The following E2F3 variants were observed in gnomAD, a reference collection of about 807,000 sequenced individuals.
The protein encoded by E2F3 is E2F transcription factor 3, also known as transcription factor E2F3.
Under a neutral mutation model 44.4 loss-of-function variants are expected in E2F3, and 11 were observed. That is an observed-to-expected ratio of 0.25 (90% CI 0.16 to 0.41). The LOEUF (loss-of-function observed/expected upper bound fraction) is 0.41, where lower values mean the gene tolerates loss of function less well. E2F3 is among the 10% of genes least tolerant of loss of function. The pLI, the probability that E2F3 is intolerant of heterozygous loss-of-function variation, is 1.00. For missense variants in E2F3, 487 were observed against 583.6 expected, an observed-to-expected ratio of 0.83 and a Z score of 1.70; for synonymous variants, 249 against 253.0, an observed-to-expected ratio of 0.98 and a Z score of 0.15.
chr6:20,426,624 C>CA (rs1372210853), intron 1 of E2F3, among the ~76,000 whole-genome samples: 1 of 152,244 alleles, frequency 6.6e-6, no homozygotes, highest in Non-Finnish European at 1.5e-5. Context: ...CGTGGCCACA[C>CA]ATGGGCCTTC....
rs749613821 is a variant in E2F3 at position 20,402,469 on chromosome 6, A to T, written c.237A>T (p.Val79=). Residue 79 remains valine, a synonymous_variant, in exon 1 of 7, where the codon GTA becomes GTT. Transcript: ENST00000346618. The surrounding 1 kb of genome is among the most constrained non-coding windows in gnomAD (Gnocchi z 5.6). ...SCSSSLQSGA[V]AAGPLLPSAP... ...CCTCCTCCCTCCAAAGCGGCGCCGT[A>T]GCCGCCGGCCCCCTCCTCCCCAGTG... 10 of 1,609,144 alleles carry T rather than the reference A, an allele frequency of 6.2e-6. No homozygotes were observed. The South Asian group carries it at 9.9e-5, about 16-fold the overall frequency.
intron 1 of E2F3, among the ~76,000 whole-genome samples, chr6:20,441,669 G>A (rs945977365): frequency 1.3e-4 from 19 of 151,844 alleles, no homozygotes; most frequent in South Asian, 2.1e-4. Flanking sequence ...CCACCTCCTG[G>A]GTTCAAGCGA....
chr6:20,483,225 G>A (rs1454266348), intron 4 of E2F3, among the ~76,000 whole-genome samples: 8 of 152,064 alleles, frequency 5.3e-5, no homozygotes, highest in South Asian at 2.1e-4. Flanking sequence ...GGGTATACTC[G>A]TAGCGTAAGG....
intron 1 of E2F3, among the ~76,000 whole-genome samples, chr6:20,435,095 A>G (rs749979238): frequency 2.6e-5 from 4 of 152,134 alleles, no homozygotes; most frequent in Non-Finnish European, 4.4e-5. Flanking sequence ...GGTGAGTTGT[A>G]TTTGTTCTTT....
Position 20,460,996 on chromosome 6 carries a change from C to CAA in E2F3, c.394-18823_394-18822dup, listed in dbSNP as rs61306918. Among the ~76,000 whole-genome samples, 56 of 55,500 alleles carry CAA rather than the reference C, an allele frequency of 1.0e-3. 3 individuals are homozygous for CAA. The highest frequency in any genetic ancestry group is 3.6e-3 in the South Asian group (3 of 844). The allele number at this position is 55,500 out of a possible 152,430, so 36.4% of individuals were successfully genotyped here. A position where few individuals can be genotyped will look rare whatever the true frequency, so the allele number is the denominator to read the frequency against. On this transcript the variant is annotated intron_variant, in intron 1 of 6. Coordinates refer to ENST00000346618, the MANE Select transcript of E2F3 (RefSeq NM_001949.5). Reference sequence around the variant, plus strand: ...GGGAGACAGAGCAAGACTCTATCTCCAAAAAAAAAAAAAAAAAAAAAAAAA... The same window carrying CAA: ...GGGAGACAGAGCAAGACTCTATCTCCAAAAAAAAAAAAAAAAAAAAAAAAAAA...
intron 5 of E2F3, among the ~76,000 whole-genome samples, chr6:20,487,082 C>T (rs1337524625): frequency 3.3e-5 from 5 of 152,132 alleles, no homozygotes; most frequent in Non-Finnish European, 5.9e-5. Flanking sequence ...TTGTCATCAA[C>T]GGTTTTGATC....
Position 20,402,196 on chromosome 6 carries a change from T to C in E2F3, c.-37T>C. The C allele has an allele frequency of 2.6e-6, 4 of 1,548,956 alleles. No homozygotes were observed. The highest frequency in any genetic ancestry group is 3.5e-6 in the Non-Finnish European group (4 of 1,157,746). ...AATAAAGAAATTGAAAACAATACATTAATATACCATAACACTAAAAAGAGC... is the reference window on the plus strand; with the variant it reads ...AATAAAGAAATTGAAAACAATACATCAATATACCATAACACTAAAAAGAGC... On this transcript the variant is annotated 5_prime_UTR_variant, in exon 1 of 7. Coordinates refer to ENST00000346618, the MANE Select transcript of E2F3 (RefSeq NM_001949.5). The surrounding 1 kb of genome is among the most constrained non-coding windows in gnomAD (Gnocchi z 5.6).
intron 1 of E2F3, among the ~76,000 whole-genome samples, chr6:20,435,548 C>T (rs1187650558): frequency 1.3e-5 from 2 of 152,140 alleles, no homozygotes; most frequent in African/African-American, 2.4e-5. Flanking sequence ...GTCAAGAGAT[C>T]GAGACCATCC....
intron 1 of E2F3, among the ~76,000 whole-genome samples, chr6:20,411,149 A>G (rs1402355349): frequency 6.6e-6 from 1 of 152,250 alleles, no homozygotes; most frequent in African/African-American, 2.4e-5. Flanking sequence ...TGTCATGAAT[A>G]AAACCTTTAT....
At chr6:20,405,180 T>TGCGGTTTGC (rs2127582878) in intron 1 of E2F3, among the ~76,000 whole-genome samples, 1 of 152,314 alleles carries the variant, frequency 6.6e-6, no homozygotes, top group African/African-American at 2.4e-5. Context: ...TTCAAAACTT[T>TGCGGTTTGC]ATTCTCCTTG....
chr6:20,417,755 C>T (rs74344013), intron 1 of E2F3, among the ~76,000 whole-genome samples: 1,774 of 151,974 alleles, frequency 0.012, 14 homozygotes, highest in South Asian at 0.042. Flanking sequence ...GTGTTTGGGA[C>T]GGTTTGGTAG....
At chr6:20,479,179 G>A (rs142926612) in intron 1 of E2F3, among the ~76,000 whole-genome samples, 5 of 152,270 alleles carry the variant, frequency 3.3e-5, no homozygotes, top group South Asian at 4.1e-4. Flanking sequence ...TTGTTTTCCC[G>A]ATGAAGGGCC....
In E2F3 at chr6:20,402,915, C is replaced by T. The variant is rs1759356276; in HGVS notation, c.393+290C>T. 6.6e-6 allele frequency among the ~76,000 whole-genome samples: 1 copy of T among 152,190 alleles called. No homozygotes were observed. Among genetic ancestry groups the T allele is most frequent in the South Asian group, 2.1e-4 (1 of 4,826 alleles). On this transcript the variant is annotated intron_variant, in intron 1 of 6. Coordinates refer to ENST00000346618, the MANE Select transcript of E2F3 (RefSeq NM_001949.5). This position sits in a 1 kb window ranked among gnomAD's most constrained non-coding sequence, Gnocchi z 5.6. Reference sequence around the variant, plus strand: ...CCCCCCCTTCTTTTCCTGCACTTTTCCCTACCCCCACTCTCCCTTCCCCTC... The same window carrying T: ...CCCCCCCTTCTTTTCCTGCACTTTTTCCTACCCCCACTCTCCCTTCCCCTC...
chr6:20,445,022 T>A (rs1413695406), intron 1 of E2F3: 1 of 960,802 alleles, frequency 1.0e-6, no homozygotes, highest in Non-Finnish European at 1.2e-6. Flanking sequence ...CTGAACTGCA[T>A]TGGCCTGGCC....
intron 1 of E2F3, among the ~76,000 whole-genome samples, chr6:20,406,432 T>C (rs1048300049): frequency 1.3e-5 from 2 of 152,228 alleles, no homozygotes; most frequent in Non-Finnish European, 2.9e-5. Flanking sequence ...TGTTAATTTT[T>C]TTCTGACTTA....
At chr6:20,409,804 A>AC (rs1201658814) in intron 1 of E2F3, among the ~76,000 whole-genome samples, 3 of 152,200 alleles carry the variant, frequency 2.0e-5, no homozygotes, top group Non-Finnish European at 4.4e-5. Context: ...ACATAATCTA[A>AC]CGTGGCTGTA....
At chr6:20,407,599 T>C (rs1249489110) in intron 1 of E2F3, among the ~76,000 whole-genome samples, 1 of 152,224 alleles carries the variant, frequency 6.6e-6, no homozygotes, top group Non-Finnish European at 1.5e-5. Flanking sequence ...TATAAAGCAG[T>C]AGTTTTCCTT....
At chr6:20,410,821 C>T (rs1166025177) in intron 1 of E2F3, among the ~76,000 whole-genome samples, 1 of 152,174 alleles carries the variant, frequency 6.6e-6, no homozygotes, top group African/African-American at 2.4e-5. Context: ...GGGGTTTCAC[C>T]ATGTTGGTCA....
intron 1 of E2F3, among the ~76,000 whole-genome samples, chr6:20,456,738 T>C (rs531309864): frequency 6.6e-6 from 1 of 152,350 alleles, no homozygotes; most frequent in South Asian, 2.1e-4. Flanking sequence ...TGGCCTCAGA[T>C]TCATAAACCT....
Sources: allele counts gnomAD v4.1 joint callset (sites outside exome capture counted in the v4.1 genomes callset), GRCh38; gene constraint gnomAD v4.1.1; non-coding constraint Gnocchi (gnomAD v3.1); transcripts MANE v1.5; gene names NCBI Gene and HGNC (gene_info 2026-07-23, HGNC 2026-07-21).